VPS13B: variants seen among roughly 807,000 people sequenced by gnomAD.
VPS13B encodes vacuolar protein sorting 13 homolog B, also known as intermembrane lipid transfer protein VPS13B.
VPS13B carries 285 observed loss-of-function variants against 426.4 expected under a neutral mutation model. The observed-to-expected ratio is 0.67, with a 90% CI of 0.61 to 0.74. The LOEUF (loss-of-function observed/expected upper bound fraction) is 0.74. Among genes scored for constraint, VPS13B ranks in the 30% least tolerant of loss-of-function variants. VPS13B has a pLI of 0.00. For missense variants in VPS13B, 4,537 were observed against 4,782.6 expected (o/e 0.95, Z 1.51); for synonymous variants, 1,676 against 1,676.4 (o/e 1.00, Z 0.01).
chr8:99,161,093 T>G (rs1251051554), intron 15 of VPS13B, among the ~76,000 whole-genome samples: 3 of 152,214 alleles, frequency 2.0e-5, no homozygotes, highest in Admixed American at 6.5e-5. Flanking sequence ...AAAACCTAGA[T>G]ATAAAGATTA....
chr8:99,821,368 T>C lies in VPS13B; in HGVS notation c.9069T>C (p.His3023=). The C allele has an allele frequency of 6.2e-7, 1 of 1,613,870 alleles. No homozygotes were observed. The highest frequency in any genetic ancestry group is 1.1e-5 in the South Asian group (1 of 91,068). ...AGTCAGTAGCAATTAAACTGGTCCA[T>C]AACCTGACATCTCCAAAGTGGAAAG... is the stretch of plus-strand genomic sequence containing the variant. ...VHKSVAIKLV[H]NLTSPKWKDG... Residue 3023 remains histidine (H), a synonymous_variant, in exon 50 of 62, where the codon CAT becomes CAC. Coordinates refer to ENST00000357162, the MANE Select transcript of VPS13B (RefSeq NM_152564.5).
intron 31 of VPS13B, among the ~76,000 whole-genome samples, chr8:99,560,066 G>A (rs1423875500): frequency 6.6e-6 from 1 of 151,984 alleles, no homozygotes; most frequent in African/African-American, 2.4e-5. Context: ...ATTTCTTTGT[G>A]TCCTCTTTTC....
Position 99,829,354 on chromosome 8 carries a change from T to A in VPS13B, c.9331-3015T>A, listed in dbSNP as rs140784519. 4.3e-3 allele frequency among the ~76,000 whole-genome samples: 657 copies of A among 152,374 alleles called. 7 individuals carry two copies. The highest frequency in any genetic ancestry group is 0.015 in the African/African-American group (632 of 41,590). ...TTTATTTCATTAAGTTGGTCTTCGG[T>A]CTCTGATATCCTTTCTTCCACCTGA... On this transcript the variant is annotated intron_variant, in intron 51 of 61. Transcript: ENST00000357162.
intron 35 of VPS13B, among the ~76,000 whole-genome samples, chr8:99,695,201 T>C (rs1481712211): frequency 6.6e-6 from 1 of 151,218 alleles, no homozygotes; most frequent in Non-Finnish European, 1.5e-5. Flanking sequence ...TTACTGGGTA[T>C]ATACCCAAAG....
intron 3 of VPS13B, among the ~76,000 whole-genome samples, chr8:99,051,044 A>T (rs1563507124): frequency 6.6e-6 from 1 of 151,888 alleles, no homozygotes; most frequent in Non-Finnish European, 1.5e-5. Context: ...ATTAGATCCC[A>T]TTTGTCCATT....
In VPS13B at chr8:99,532,820, C is replaced by CA. The variant is rs749071145; in HGVS notation, c.4745+11815dup. On this transcript the variant is annotated intron_variant, in intron 30 of 61. Transcript: ENST00000357162. ...ATTTTAATAGCATAAATATTTAACA[C>CA]AAAAATACACACTTCTTCAGCAGAA... 9.4e-5 allele frequency among the ~76,000 whole-genome samples: 14 copies of CA among 148,584 alleles called. No individual in the cohort carries two copies. In the East Asian group the frequency reaches 2.4e-3, roughly 26 times the overall value.
chr8:99,172,499 A>G (rs1384938814), intron 16 of VPS13B, among the ~76,000 whole-genome samples: 2 of 152,122 alleles, frequency 1.3e-5, no homozygotes, highest in Admixed American at 6.6e-5. Flanking sequence ...AAGTTGTCCA[A>G]AGTCACACAC....
chr8:99,279,447 A>G (rs564994811), intron 19 of VPS13B, among the ~76,000 whole-genome samples: 1 of 152,010 alleles, frequency 6.6e-6, no homozygotes, highest in Non-Finnish European at 1.5e-5. Flanking sequence ...TTTAGTAAAG[A>G]TGGGGTTTCA....
At position 99,575,906 on chromosome 8, in the gene VPS13B, A is replaced by G; in HGVS notation, c.5076+122A>G. The G allele has an allele frequency of 4.1e-6, 4 of 972,214 alleles. No homozygotes were observed. The South Asian group carries it at 5.8e-5, about 14-fold the overall frequency. 60.2% of individuals were successfully genotyped at this position (972,214 alleles called of 1,614,324 possible). A position where few individuals can be genotyped will look rare whatever the true frequency, so the allele number is the denominator to read the frequency against. On this transcript the variant is annotated intron_variant, in intron 32 of 61. Coordinates refer to ENST00000357162, the MANE Select transcript of VPS13B (RefSeq NM_152564.5). ...AATTAGCTCATTAATAATAATGGCT[A>G]CTATCATAGCTAACATTTATGGAGC...
At chr8:99,770,804 TC>T (rs1811450960) in intron 40 of VPS13B, among the ~76,000 whole-genome samples, 1 of 152,084 alleles carries the variant, frequency 6.6e-6, no homozygotes, top group East Asian at 1.9e-4. Flanking sequence ...AAAGCTCCCT[TC>T]CGGAGGCAAA....
chr8:99,148,148 CAGG>C (rs1810848127), intron 14 of VPS13B, 138 bp downstream of exon 14: 1 of 914,182 alleles, frequency 1.1e-6, no homozygotes, highest in African/African-American at 1.7e-5. Flanking sequence ...GAGGCTGGGG[CAGG>C]ATGCACACTT....
intron 19 of VPS13B, among the ~76,000 whole-genome samples, chr8:99,297,459 A>G (rs1461256112): frequency 6.6e-6 from 1 of 152,224 alleles, no homozygotes; most frequent in Non-Finnish European, 1.5e-5. Context: ...AATAATTGTT[A>G]TATGAATCAA....
chr8:99,194,754 T>C (rs145918838), intron 17 of VPS13B, among the ~76,000 whole-genome samples: 1 of 152,348 alleles, frequency 6.6e-6, no homozygotes, highest in East Asian at 1.9e-4. Context: ...TGATTTCATT[T>C]TCTTTGGACA....
intron 29 of VPS13B, among the ~76,000 whole-genome samples, chr8:99,517,404 C>T (rs561851026): frequency 2.2e-4 from 34 of 152,204 alleles, no homozygotes; most frequent in Middle Eastern, 3.4e-3. Context: ...TGTACACACA[C>T]GTATACACAC....
chr8:99,798,908 C>T (rs1033452276), intron 43 of VPS13B: 2 of 152,118 alleles, frequency 1.3e-5, no homozygotes, highest in African/African-American at 4.8e-5. Context: ...CCTATTAAAG[C>T]ATGGTATTTT....
intron 39 of VPS13B, among the ~76,000 whole-genome samples, chr8:99,752,894 T>C (rs1810468907): frequency 6.6e-6 from 1 of 152,228 alleles, no homozygotes; most frequent in Non-Finnish European, 1.5e-5. Context: ...TGAGCATTGC[T>C]TATTTGTCAG....
At chr8:99,758,021 A>G (rs74901984) in intron 39 of VPS13B, among the ~76,000 whole-genome samples, 4,928 of 152,286 alleles carry the variant, frequency 0.032, 98 homozygotes, top group East Asian at 0.047. Context: ...TTTGGCACCA[A>G]ACTCTTGGAA....
chr8:99,179,157 T>C (rs1207475528), intron 16 of VPS13B, among the ~76,000 whole-genome samples: 1 of 152,144 alleles, frequency 6.6e-6, no homozygotes, highest in African/African-American at 2.4e-5. Flanking sequence ...AAAACTGTTG[T>C]GTTGTAGGCC....
At chr8:99,816,639 C>CA (rs1301531756) in intron 44 of VPS13B, among the ~76,000 whole-genome samples, 2 of 151,726 alleles carry the variant, frequency 1.3e-5, no homozygotes, top group African/African-American at 2.4e-5. Context: ...CCCCATCCTA[C>CA]AAAAAAACAC....
Sources: allele counts gnomAD v4.1 joint callset (sites outside exome capture counted in the v4.1 genomes callset), GRCh38; gene constraint gnomAD v4.1.1; transcripts MANE v1.5; gene names NCBI Gene and HGNC (gene_info 2026-07-23, HGNC 2026-07-21).